TMEM65: variants seen among roughly 807,000 people sequenced by gnomAD.
TMEM65 encodes transmembrane protein 65.
In TMEM65, 22 loss-of-function variants were observed where a neutral mutation model predicts 25.4. The observed-to-expected ratio is 0.86, with a 90% CI of 0.62 to 1.23. TMEM65 has a LOEUF of 1.23. Among genes scored for constraint, TMEM65 ranks in the 50% most tolerant of loss-of-function variants. The pLI is 0.00. For synonymous variants in TMEM65, 132 were observed against 126.2 expected, an observed-to-expected ratio of 1.05 and a Z score of -0.31; for missense variants, 262 against 308.2, an observed-to-expected ratio of 0.85 and a Z score of 1.12.
chr8:124,350,475 TCTCACACACA>T (rs1326720040), intron 1 of TMEM65, among the ~76,000 whole-genome samples: 1 of 82,244 alleles, frequency 1.2e-5, no homozygotes. Flanking sequence ...TCTCTCTCTC[TCTCACACACA>T]CACACACACA....
intron 3 of TMEM65, among the ~76,000 whole-genome samples, chr8:124,323,976 A>G (rs950454235): frequency 2.0e-5 from 3 of 152,110 alleles, no homozygotes; most frequent in African/African-American, 7.2e-5. Context: ...AAGACTTTCT[A>G]TATGTATATC....
chr8:124,365,038 A>C (rs28673606), intron 1 of TMEM65, among the ~76,000 whole-genome samples: 3 of 152,158 alleles, frequency 2.0e-5, no homozygotes, highest in African/African-American at 7.2e-5. Flanking sequence ...ACATCATCTC[A>C]AACTTTCAAG....
At position 124,327,336 on chromosome 8, in the gene TMEM65, G is replaced by A. The variant is rs1364018847; in HGVS notation, c.417+18C>T. ...AATTTATGAACTCAAAATAGAAGCA[G>A]TGAGAGAAAGAACTTACAGCAACAA... On this transcript the variant is annotated intron_variant, in intron 3 of 6. Transcript: ENST00000297632. The A allele has an allele frequency of 1.9e-6, 3 of 1,560,630 alleles. No individual in the cohort carries two copies. Among genetic ancestry groups the A allele is most frequent in the Non-Finnish European group, 2.6e-6 (3 of 1,141,208 alleles).
chr8:124,342,931 T>C lies in TMEM65; in HGVS notation c.305-12139A>G, dbSNP rs118071836. Among the ~76,000 whole-genome samples, 78 of 152,274 alleles carry C rather than the reference T, an allele frequency of 5.1e-4. No individual in the cohort carries two copies. The East Asian group carries it at 0.014, about 28-fold the overall frequency. ...ATTTAACATAGGTTTTATGATTATA[T>C]AGAAGCTTTCTGATTGCACATAAGG... On this transcript the variant is annotated intron_variant, in intron 1 of 6. Coordinates refer to ENST00000297632, the MANE Select transcript of TMEM65 (RefSeq NM_194291.3).
In TMEM65 at chr8:124,313,871, G is replaced by A; in HGVS notation, c.*89C>T. 1 of 869,188 alleles carries A rather than the reference G, an allele frequency of 1.2e-6. No homozygotes were observed. Among genetic ancestry groups the A allele is most frequent in the Non-Finnish European group, 1.8e-6 (1 of 543,840 alleles). The allele number at this position is 869,188 out of a possible 1,614,324, so 53.8% of individuals were successfully genotyped here. ...AATTATTTGATCCCATATCTATACTGTTACTGTCTTAATTCCTAAATGTTG... is the reference window on the plus strand; with the variant it reads ...AATTATTTGATCCCATATCTATACTATTACTGTCTTAATTCCTAAATGTTG... On this transcript the variant is annotated 3_prime_UTR_variant, in exon 7 of 7. Transcript: ENST00000297632.
intron 1 of TMEM65, among the ~76,000 whole-genome samples, chr8:124,350,456 C>T (rs534948386): frequency 1.4e-4 from 17 of 120,324 alleles, no homozygotes; most frequent in African/African-American, 4.5e-4. Flanking sequence ...TACACTCTCT[C>T]TCTTTCCCTC....
intron 3 of TMEM65, among the ~76,000 whole-genome samples, chr8:124,326,689 T>G (rs1045997784): frequency 5.9e-5 from 9 of 152,058 alleles, no homozygotes; most frequent in African/African-American, 2.2e-4. Context: ...GCATTTTAAT[T>G]ATGGATCTAC....
intron 1 of TMEM65, among the ~76,000 whole-genome samples, chr8:124,357,829 CTT>C (rs35830531): frequency 5.3e-4 from 56 of 105,820 alleles, no homozygotes; most frequent in African/African-American, 2.0e-3. Context: ...ACTTTTTTAT[CTT>C]TTTTTTTTTT....
At chr8:124,339,248 T>G (rs7461979) in intron 1 of TMEM65, among the ~76,000 whole-genome samples, 1 of 104,670 alleles carries the variant, frequency 9.6e-6, no homozygotes, top group East Asian at 2.7e-4. Context: ...TATATATATA[T>G]AAAATATTCT....
chr8:124,322,994 C>CTAAA (rs199541134), intron 4 of TMEM65, among the ~76,000 whole-genome samples: 12,650 of 149,760 alleles, frequency 0.084, 778 homozygotes, highest in African/African-American at 0.17. Context: ...GACCCCGTCT[C>CTAAA]TAAATAAATA....
rs114154705 is a variant in TMEM65 at position 124,363,099 on chromosome 8, C to T, written c.304+8755G>A. Among the ~76,000 whole-genome samples the T allele has an allele frequency of 4.5e-3, 689 of 152,320 alleles. 7 individuals carry two copies. Among genetic ancestry groups the T allele is most frequent in the African/African-American group, 0.014 (578 of 41,578 alleles). ...TTAAATCTTTGACAAATTTGATGCA[C>T]TTCCAAAATCAAATTTCAAATTGAA... On this transcript the variant is annotated intron_variant, in intron 1 of 6. Coordinates refer to ENST00000297632, the MANE Select transcript of TMEM65 (RefSeq NM_194291.3).
At chr8:124,327,594 G>GA (rs1814380802) in intron 2 of TMEM65, among the ~76,000 whole-genome samples, 173 bp from the exon 3 acceptor site, 1 of 151,336 alleles carries the variant, frequency 6.6e-6, no homozygotes, top group South Asian at 2.1e-4. Flanking sequence ...ACTATATTGG[G>GA]AAAAAACAAA....
intron 6 of TMEM65, among the ~76,000 whole-genome samples, chr8:124,317,379 T>C (rs1331889631): frequency 6.6e-6 from 1 of 152,176 alleles, no homozygotes; most frequent in Non-Finnish European, 1.5e-5. Context: ...TTTTCAGAAA[T>C]TTTATTTGAT....
At chr8:124,327,827 G>A (rs1586459613) in intron 2 of TMEM65, among the ~76,000 whole-genome samples, 1 of 151,860 alleles carries the variant, frequency 6.6e-6, no homozygotes, top group Non-Finnish European at 1.5e-5. Flanking sequence ...TTATAAAATC[G>A]ATTTCTGTAT....
In TMEM65 at chr8:124,307,834, A is replaced by G. The variant is rs1814112056; in HGVS notation, c.*6126T>C. On this transcript the variant is annotated 3_prime_UTR_variant, in exon 7 of 7. Transcript: ENST00000297632. Reference sequence around the variant, plus strand: ...CATTGAGGAGAAAGCATATCTACCAAAACAGGTTCTTAAGGCAGACAGAAG... The same window carrying G: ...CATTGAGGAGAAAGCATATCTACCAGAACAGGTTCTTAAGGCAGACAGAAG... The G allele has an allele frequency of 6.6e-6, 1 of 152,210 alleles. No individual in the cohort carries two copies. Among genetic ancestry groups the G allele is most frequent in the African/African-American group, 2.4e-5 (1 of 41,454 alleles). 9.4% of individuals were successfully genotyped at this position (152,210 alleles called of 1,614,324 possible). A position where few individuals can be genotyped will look rare whatever the true frequency, so the allele number is the denominator to read the frequency against.
At chr8:124,351,172 T>C (rs1814702692) in intron 1 of TMEM65, 1 of 910,126 alleles carries the variant, frequency 1.1e-6, no homozygotes, top group East Asian at 1.2e-4. Context: ...AAATAATATA[T>C]ATATAAACTT....
intron 6 of TMEM65, among the ~76,000 whole-genome samples, chr8:124,315,310 T>C (rs911199889): frequency 1.3e-5 from 1 of 74,618 alleles, no homozygotes; most frequent in African/African-American, 5.2e-5. Context: ...TATCATATCC[T>C]ACAGTTTTTT....
At chr8:124,353,323 G>C (rs1249713533) in intron 1 of TMEM65, among the ~76,000 whole-genome samples, 1 of 151,948 alleles carries the variant, frequency 6.6e-6, no homozygotes, top group Non-Finnish European at 1.5e-5. Context: ...AAAAATAATA[G>C]GAGCTAGGAA....
In TMEM65 at chr8:124,328,217, A is replaced by G. The variant is rs7814603; in HGVS notation, c.350-796T>C. Among the ~76,000 whole-genome samples the G allele has an allele frequency of 8.6e-3, 1,304 of 152,102 alleles. 17 individuals carry two copies. Among genetic ancestry groups the G allele is most frequent in the African/African-American group, 0.028 (1,180 of 41,476 alleles). Reference sequence around the variant, plus strand: ...TCAAGAGATCGAGACCATCCTGGCCAATATGGTGAAACCCCATCACTACTA... The same window carrying G: ...TCAAGAGATCGAGACCATCCTGGCCGATATGGTGAAACCCCATCACTACTA... On this transcript the variant is annotated intron_variant, in intron 2 of 6. Transcript: ENST00000297632.
Sources: gnomAD v4.1 joint callset for allele counts (sites outside exome capture counted in the v4.1 genomes callset) on GRCh38, gnomAD v4.1.1 for gene constraint, MANE v1.5 for transcripts, NCBI Gene and HGNC (gene_info 2026-07-23, HGNC 2026-07-21) for gene names.